The following WDR70 variants were observed in gnomAD, a reference collection of about 807,000 sequenced individuals.
WDR70 encodes the protein WD repeat domain 70.
In WDR70, 53 loss-of-function variants were observed where a neutral mutation model predicts 88.6. The ratio of observed to expected loss-of-function variants is 0.60; its 90% CI spans 0.48 to 0.75. The LOEUF (loss-of-function observed/expected upper bound fraction) is 0.75, where lower values mean the gene tolerates loss of function less well. WDR70 is among the 30% of genes least tolerant of loss of function. WDR70 has a pLI of 0.00. For missense variants in WDR70, 610 were observed against 823.2 expected, an observed-to-expected ratio of 0.74 and a Z score of 3.17; for synonymous variants, 280 against 270.0, an observed-to-expected ratio of 1.04 and a Z score of -0.36.
chr5:37,735,175 A>G (rs546616726), intron 17 of WDR70, among the ~76,000 whole-genome samples: 1 of 152,116 alleles, frequency 6.6e-6, no homozygotes, highest in East Asian at 1.9e-4. Context: ...GCTGCTTGGT[A>G]ATTAATATTT....
At chr5:37,635,851 G>A (rs371512640) in intron 10 of WDR70, among the ~76,000 whole-genome samples, 9 of 152,038 alleles carry the variant, frequency 5.9e-5, no homozygotes, top group African/African-American at 1.2e-4. Flanking sequence ...TTAATCATGC[G>A]CGCGGTTATC....
At chr5:37,397,152 A>ACC (rs1561836799) in intron 5 of WDR70, among the ~76,000 whole-genome samples, 13 of 75,834 alleles carry the variant, frequency 1.7e-4, no homozygotes, top group South Asian at 4.4e-4. Context: ...GCCCCCCCCA[A>ACC]CCCCCCCGCA....
chr5:37,573,551 C>T (rs1214855494), intron 9 of WDR70, among the ~76,000 whole-genome samples: 1 of 139,566 alleles, frequency 7.2e-6, no homozygotes, highest in African/African-American at 2.6e-5. Context: ...CCACAACAGC[C>T]CCCAGTGTGT....
At chr5:37,491,229 G>A (rs1581332713) in intron 8 of WDR70, among the ~76,000 whole-genome samples, 1 of 152,156 alleles carries the variant, frequency 6.6e-6, no homozygotes, top group African/African-American at 2.4e-5. Flanking sequence ...TCTGTGCCTT[G>A]CTTTCTTCAG....
At chr5:37,435,927 T>C (rs1419222970) in intron 5 of WDR70, among the ~76,000 whole-genome samples, 4 of 152,038 alleles carry the variant, frequency 2.6e-5, no homozygotes, top group Non-Finnish European at 5.9e-5. Context: ...CCAGAGATGA[T>C]AAATAGATAT....
rs149038786 is a variant in WDR70, at chr5:37,430,494, C to T, written c.493-7428C>T. ...ATGCGTTTTCCACATTGATTAAAATCGCCCTGTACTAATGAAGTTTTTACT... is the reference window on the plus strand; with the variant it reads ...ATGCGTTTTCCACATTGATTAAAATTGCCCTGTACTAATGAAGTTTTTACT... On this transcript the variant is annotated intron_variant, in intron 5 of 17. Transcript: ENST00000265107. Among the ~76,000 whole-genome samples the T allele has an allele frequency of 9.3e-3, 1,418 of 152,224 alleles. 28 individuals carry two copies. The highest frequency in any genetic ancestry group is 0.01 in the Non-Finnish European group (707 of 68,004).
Position 37,649,397 on chromosome 5 carries a change from T to C in WDR70, c.1092+44159T>C, listed in dbSNP as rs554517474. Among the ~76,000 whole-genome samples, 21 of 151,080 alleles carry C rather than the reference T, an allele frequency of 1.4e-4. No individual in the cohort carries two copies. In the South Asian group the frequency reaches 4.2e-3, roughly 30 times the overall value. On this transcript the variant is annotated intron_variant, in intron 10 of 17. Coordinates refer to ENST00000265107, the MANE Select transcript of WDR70 (RefSeq NM_018034.4). ...TTATTTTCCTGAAGGTCTGTACATA[T>C]GGAAGTAACATGTTCAACAAAAAGT...
intron 10 of WDR70, among the ~76,000 whole-genome samples, chr5:37,608,890 AT>A (rs770252558): frequency 6.6e-6 from 1 of 152,038 alleles, no homozygotes; most frequent in Non-Finnish European, 1.5e-5. Flanking sequence ...CTAGTAGGAT[AT>A]TTGCTGCATG....
At chr5:37,423,571 T>TC (rs1750019043) in intron 5 of WDR70, among the ~76,000 whole-genome samples, 1 of 147,482 alleles carries the variant, frequency 6.8e-6, no homozygotes, top group Non-Finnish European at 1.5e-5. Flanking sequence ...TGTCTTTTTT[T>TC]TTTTTTTTTT....
intron 10 of WDR70, among the ~76,000 whole-genome samples, chr5:37,689,057 C>G (rs2112632511): frequency 6.6e-6 from 1 of 152,292 alleles, no homozygotes; most frequent in Non-Finnish European, 1.5e-5. Flanking sequence ...TCGGCGGGTC[C>G]CACACCCACA....
rs1748851677 is a variant in WDR70, at chr5:37,752,752, AC to A, written c.*181del. The A allele has an allele frequency of 7.3e-6, 4 of 545,056 alleles. No homozygotes were observed. Among genetic ancestry groups the A allele is most frequent in the Non-Finnish European group, 1.3e-5 (4 of 310,640 alleles). 33.8% of individuals were successfully genotyped at this position (545,056 alleles called of 1,614,324 possible). A position where few individuals can be genotyped will look rare whatever the true frequency, so the allele number is the denominator to read the frequency against. The stretch of plus-strand genomic sequence containing the variant: ...ACTAAAATTGTGCTTAAATTTTCTT[AC>A]CTGCAACTATTAAACTGATTACAGA... On this transcript the variant is annotated 3_prime_UTR_variant, in exon 18 of 18. Transcript: ENST00000265107.
At chr5:37,628,946 G>T in intron 10 of WDR70, among the ~76,000 whole-genome samples, 1 of 152,168 alleles carries the variant, frequency 6.6e-6, no homozygotes, top group Non-Finnish European at 1.5e-5. Context: ...AGCATGTCTT[G>T]TAAGACTGTT....
intron 9 of WDR70, among the ~76,000 whole-genome samples, chr5:37,600,684 A>C (rs988364449): frequency 6.6e-6 from 1 of 152,208 alleles, no homozygotes; most frequent in African/African-American, 2.4e-5. Flanking sequence ...TATTAAGAAA[A>C]TGCAAATAAA....
intron 9 of WDR70, among the ~76,000 whole-genome samples, chr5:37,534,074 A>C (rs1304688921): frequency 6.6e-6 from 1 of 152,140 alleles, no homozygotes; most frequent in African/African-American, 2.4e-5. Flanking sequence ...TGGTGCTGCT[A>C]TCCAGGGCTG....
intron 10 of WDR70, among the ~76,000 whole-genome samples, chr5:37,684,986 A>T (rs1306508217): frequency 2.6e-5 from 4 of 152,188 alleles, no homozygotes; most frequent in Admixed American, 2.6e-4. Flanking sequence ...GCATGGGGTT[A>T]GGAAGCTGGC....
chr5:37,690,567 A>G (rs1334904894), intron 10 of WDR70, among the ~76,000 whole-genome samples: 1 of 152,248 alleles, frequency 6.6e-6, no homozygotes, highest in Non-Finnish European at 1.5e-5. Context: ...ACATTCTTAA[A>G]GAAAAGAATT....
At chr5:37,445,723 T>G (rs1269955890) in intron 7 of WDR70, among the ~76,000 whole-genome samples, 1 of 152,200 alleles carries the variant, frequency 6.6e-6, no homozygotes, top group Non-Finnish European at 1.5e-5. Context: ...GAAAAGGCCT[T>G]TGACAAAATT....
intron 17 of WDR70, among the ~76,000 whole-genome samples, chr5:37,743,705 G>A (rs1475244916): frequency 1.3e-5 from 2 of 152,130 alleles, no homozygotes; most frequent in Non-Finnish European, 2.9e-5. Context: ...TTCCTCAGTG[G>A]TCATGGCTTC....
chr5:37,711,321 A>G (rs561533395), intron 13 of WDR70, among the ~76,000 whole-genome samples: 19 of 152,196 alleles, frequency 1.2e-4, no homozygotes, highest in Non-Finnish European at 1.9e-4. Context: ...TCCAGAGCTC[A>G]TTCCTCTTGC....
Sources: gnomAD v4.1 joint callset for allele counts (sites outside exome capture counted in the v4.1 genomes callset) on GRCh38, gnomAD v4.1.1 for gene constraint, MANE v1.5 for transcripts, NCBI Gene and HGNC (gene_info 2026-07-23, HGNC 2026-07-21) for gene names.